Variants in COP1 observed in about 807,000 individuals in gnomAD.
COP1 encodes the protein E3 ubiquitin-protein ligase COP1.
A neutral mutation model predicts 101.3 loss-of-function variants in COP1; 24 were observed. The observed-to-expected ratio is 0.24, with a 90% CI of 0.17 to 0.33. The LOEUF is 0.33. Among genes scored for constraint, COP1 ranks in the 10% least tolerant of loss-of-function variants. The pLI, the probability that COP1 is intolerant of heterozygous loss-of-function variation, is 1.00. For synonymous variants in COP1, 347 were observed against 341.9 expected, an observed-to-expected ratio of 1.01 and a Z score of -0.17; for missense variants, 663 against 906.2, an observed-to-expected ratio of 0.73 and a Z score of 3.45.
At chr1:176,120,129 A>T (rs552640569) in intron 8 of COP1, among the ~76,000 whole-genome samples, 10 of 152,332 alleles carry the variant, frequency 6.6e-5, no homozygotes. Flanking sequence ...AGACAGAATC[A>T]TATATTTTTC....
intron 11 of COP1, among the ~76,000 whole-genome samples, chr1:176,047,486 T>G (rs1671717820): frequency 6.6e-6 from 1 of 152,168 alleles, no homozygotes; most frequent in South Asian, 2.1e-4. Flanking sequence ...TATGCTTTAT[T>G]ACAGATCAAA....
chr1:176,043,277 G>C lies in COP1; in HGVS notation c.1531-10C>G. 1 of 1,563,594 alleles carries C rather than the reference G, an allele frequency of 6.4e-7. No individual in the cohort carries two copies. Among genetic ancestry groups the C allele is most frequent in the South Asian group, 1.1e-5 (1 of 89,566 alleles). On this transcript the variant is annotated splice_polypyrimidine_tract_variant and intron_variant, in intron 13 of 19. Coordinates refer to ENST00000367669, the MANE Select transcript of COP1 (RefSeq NM_022457.7). The stretch of plus-strand genomic sequence containing the variant: ...ACCTCTTCTCATGCTCCTGGAAGCA[G>C]AAAGAAGACAGTAGCCTCAGATAGA...
chr1:176,078,806 A>T (rs1193439977), intron 11 of COP1, among the ~76,000 whole-genome samples: 1 of 152,122 alleles, frequency 6.6e-6, no homozygotes, highest in Non-Finnish European at 1.5e-5. Context: ...AACCTGTGAA[A>T]AACAAAAAAA....
intron 8 of COP1, among the ~76,000 whole-genome samples, chr1:176,128,778 TAAAAAA>T (rs919894904): frequency 1.3e-5 from 2 of 151,658 alleles, no homozygotes; most frequent in Non-Finnish European, 3.0e-5. Context: ...TTTCCTGCAT[TAAAAAA>T]AATTTCCAAA....
chr1:176,155,793 A>C (rs2149883153), intron 5 of COP1, among the ~76,000 whole-genome samples: 1 of 152,144 alleles, frequency 6.6e-6, no homozygotes, highest in African/African-American at 2.4e-5. Flanking sequence ...TAGCTTTAGG[A>C]GAAGGATGGT....
chr1:176,150,306 C>T (rs1403330112), intron 5 of COP1, among the ~76,000 whole-genome samples: 1 of 152,172 alleles, frequency 6.6e-6, no homozygotes. Flanking sequence ...AACTGATAAT[C>T]ACAACAGGAT....
chr1:176,014,701 G>A (rs1454272260), intron 15 of COP1, among the ~76,000 whole-genome samples: 2 of 151,848 alleles, frequency 1.3e-5, no homozygotes, highest in African/African-American at 2.4e-5. Flanking sequence ...TTTGTATTCC[G>A]AAAACTTTTG....
intron 18 of COP1, among the ~76,000 whole-genome samples, chr1:175,980,581 A>G (rs149001063): frequency 2.6e-5 from 4 of 152,088 alleles, no homozygotes; most frequent in African/African-American, 9.7e-5. Flanking sequence ...GAAATCTGTT[A>G]TCCTGATCCC....
At chr1:176,092,571 G>C (rs957628712) in intron 9 of COP1, among the ~76,000 whole-genome samples, 3 of 151,990 alleles carry the variant, frequency 2.0e-5, no homozygotes, top group Admixed American at 6.6e-5. Context: ...TTTCACAAAA[G>C]ACAAAACATA....
At chr1:176,014,525 A>G (rs1275477330) in intron 15 of COP1, among the ~76,000 whole-genome samples, 1 of 152,232 alleles carries the variant, frequency 6.6e-6, no homozygotes, top group African/African-American at 2.4e-5. Flanking sequence ...CTTTAAGGCT[A>G]TATGGACATT....
chr1:176,031,980 G>T (rs1668719515), intron 14 of COP1, among the ~76,000 whole-genome samples: 2 of 152,164 alleles, frequency 1.3e-5, no homozygotes, highest in African/African-American at 4.8e-5. Flanking sequence ...AGTGTGCAAG[G>T]TTTATGTTTC....
At chr1:175,960,572 A>C (rs1651215737) in intron 18 of COP1, among the ~76,000 whole-genome samples, 1 of 152,180 alleles carries the variant, frequency 6.6e-6, no homozygotes, top group African/African-American at 2.4e-5. Flanking sequence ...AAGAGAAGCA[A>C]GTCAAAATTG....
At chr1:176,184,449 A>C (rs956308959) in intron 2 of COP1, among the ~76,000 whole-genome samples, 184 bp downstream of exon 2, 6 of 152,190 alleles carry the variant, frequency 3.9e-5, no homozygotes, top group Non-Finnish European at 7.4e-5. Flanking sequence ...CATTTGACAG[A>C]AATTATGCGC....
rs149939672 is a variant in COP1, at chr1:176,163,487, T to C, written c.642+328A>G. Among the ~76,000 whole-genome samples, 1,067 of 152,318 alleles carry C rather than the reference T, an allele frequency of 7.0e-3. 13 individuals carry two copies. Among genetic ancestry groups the C allele is most frequent in the African/African-American group, 0.024 (1,007 of 41,580 alleles). On this transcript the variant is annotated intron_variant, in intron 4 of 19. Transcript: ENST00000367669. ...CCTCCCACCTTGGCCTCCCAAAGTGTTGGGATTATAGGTGTGAGCCCAACC... is the reference window on the plus strand; with the variant it reads ...CCTCCCACCTTGGCCTCCCAAAGTGCTGGGATTATAGGTGTGAGCCCAACC...
chr1:176,191,902 A>G (rs1266508269), intron 1 of COP1, among the ~76,000 whole-genome samples: 1 of 152,174 alleles, frequency 6.6e-6, no homozygotes, highest in Non-Finnish European at 1.5e-5. Flanking sequence ...GAAGAAAAGA[A>G]TAGCATAGCG....
chr1:176,165,361 CGTGTGTGTGTGTGTGTGTGTGT>C, intron 3 of COP1, among the ~76,000 whole-genome samples: 1 of 132,144 alleles, frequency 7.6e-6, no homozygotes, highest in African/African-American at 2.9e-5. Context: ...AGATGTGTGT[CGTGTGTGTGTGTGTGTGTGTGT>C]GTGTGTGTGT....
At chr1:176,129,370 A>ATCTCCTCC (rs1688544341) in intron 8 of COP1, among the ~76,000 whole-genome samples, 2 of 151,818 alleles carry the variant, frequency 1.3e-5, no homozygotes, top group African/African-American at 4.8e-5. Flanking sequence ...TTATTCATAA[A>ATCTCCTCC]TCTCCTCCTT....
At chr1:176,041,393 G>T (rs1450857517) in intron 14 of COP1, among the ~76,000 whole-genome samples, 2 of 147,044 alleles carry the variant, frequency 1.4e-5, no homozygotes, top group African/African-American at 5.0e-5. Flanking sequence ...TGTCATCCAG[G>T]CTGTAGTGCA....
intron 9 of COP1, among the ~76,000 whole-genome samples, chr1:176,098,625 G>GA (rs1167377705): frequency 3.9e-5 from 6 of 152,138 alleles, no homozygotes; most frequent in African/African-American, 9.7e-5. Context: ...AATAAAAGCA[G>GA]AAAAACGTAC....
Sources: allele counts gnomAD v4.1 joint callset (sites outside exome capture counted in the v4.1 genomes callset), GRCh38; gene constraint gnomAD v4.1.1; transcripts MANE v1.5; gene names NCBI Gene and HGNC (gene_info 2026-07-23, HGNC 2026-07-21).